KIAA1755: variants seen among roughly 807,000 people sequenced by gnomAD.
KIAA1755 encodes uncharacterized protein KIAA1755.
KIAA1755 carries 68 observed loss-of-function variants against 91.7 expected under a neutral mutation model. That is an observed-to-expected ratio of 0.74 (90% CI 0.61 to 0.91). The LOEUF (loss-of-function observed/expected upper bound fraction) is 0.91. KIAA1755 is among the 40% of genes least tolerant of loss of function. KIAA1755 has a pLI of 0.00. For synonymous variants in KIAA1755, 610 were observed against 604.6 expected (o/e 1.01, Z -0.13); for missense variants, 1,535 against 1,494.4 (o/e 1.03, Z -0.45).
At chr20:38,250,420 G>A (rs918573223) in intron 1 of KIAA1755, among the ~76,000 whole-genome samples, 1 of 151,586 alleles carries the variant, frequency 6.6e-6, no homozygotes, top group African/African-American at 2.4e-5. Flanking sequence ...GAATTTAGTA[G>A]GTGCTCATTA....
At chr20:38,216,628 G>C (rs1302817517) in intron 13 of KIAA1755, among the ~76,000 whole-genome samples, 2 of 152,086 alleles carry the variant, frequency 1.3e-5, no homozygotes, top group Non-Finnish European at 2.9e-5. Context: ...AGAGAGATTT[G>C]GCTACATGAA....
At chr20:38,236,286 C>T (rs2075959393) in intron 4 of KIAA1755, among the ~76,000 whole-genome samples, 2 of 151,986 alleles carry the variant, frequency 1.3e-5, no homozygotes, top group Non-Finnish European at 2.9e-5. Context: ...GTGAGACCTC[C>T]ACGCAGAGAC....
At position 38,213,694 on chromosome 20, in the gene KIAA1755, A is replaced by G. The variant is rs760311404; in HGVS notation, c.2951T>C (p.Leu984Pro). Residue 984 changes from leucine to proline, a missense_variant, in exon 14 of 14, where the codon CTG (leucine) becomes CCG (proline). Leu to Pro is a moderately conservative substitution (Grantham distance 98). Transcript: ENST00000279024. Reference sequence around the variant, plus strand: ...AGGACTGACCCTTGAGGTCTTGTCCAGCCTGAGCTGGGCCATCAGGTCCTG... The same window carrying G: ...AGGACTGACCCTTGAGGTCTTGTCCGGCCTGAGCTGGGCCATCAGGTCCTG... ...DCQDLMAQLR[L>P]DKTSRVSPGD... The G allele has an allele frequency of 6.5e-7, 1 of 1,547,238 alleles. No individual in the cohort carries two copies. The highest frequency in any genetic ancestry group is 1.2e-5 in the South Asian group (1 of 82,122).
At chr20:38,242,554 G>C (rs1438393198) in intron 2 of KIAA1755, among the ~76,000 whole-genome samples, 4 of 152,142 alleles carry the variant, frequency 2.6e-5, no homozygotes, top group Admixed American at 1.3e-4. Context: ...AGCTTATTTA[G>C]ACTAGCCTAT....
In KIAA1755 at chr20:38,246,361, G is replaced by A. The variant is rs995938396; in HGVS notation, c.4-235C>T. Among the ~76,000 whole-genome samples the A allele has an allele frequency of 3.9e-5, 6 of 151,956 alleles. No homozygotes were observed. In the East Asian group the frequency reaches 1.2e-3, roughly 29 times the overall value. The stretch of plus-strand genomic sequence containing the variant: ...TTGCACTGGCTGTTCCCTCTGCCTA[G>A]AATGCTCTTCCTCAAGACAGCCTCA... On this transcript the variant is annotated intron_variant, in intron 1 of 13. Coordinates refer to ENST00000279024, the MANE Select transcript of KIAA1755 (RefSeq NM_001029864.2).
chr20:38,224,372 G>A (rs966947038), intron 8 of KIAA1755, among the ~76,000 whole-genome samples: 6 of 152,160 alleles, frequency 3.9e-5, no homozygotes, highest in African/African-American at 9.7e-5. Flanking sequence ...GGGGACAAGC[G>A]GAAAAGGAGA....
intron 4 of KIAA1755, 109 bp from the exon 5 acceptor site, chr20:38,231,434 A>T: frequency 8.2e-7 from 1 of 1,221,010 alleles, no homozygotes; most frequent in Non-Finnish European, 1.1e-6. Flanking sequence ...TGCCTGGAAC[A>T]CCCTTTCTCT....
At chr20:38,226,477 A>T (rs375295686) in intron 7 of KIAA1755, among the ~76,000 whole-genome samples, 9 of 152,312 alleles carry the variant, frequency 5.9e-5, no homozygotes, top group African/African-American at 2.2e-4. Flanking sequence ...CAGAACCTGC[A>T]CATTAATGTA....
chr20:38,249,529 C>T (rs556880812), intron 1 of KIAA1755, among the ~76,000 whole-genome samples: 184 of 152,326 alleles, frequency 1.2e-3, no homozygotes, highest in African/African-American at 4.0e-3. Context: ...CTCCCTCCCA[C>T]CCGTAGCCCA....
Position 38,241,600 on chromosome 20 carries a change from A to T in KIAA1755, c.531T>A (p.Pro177=). 1 of 1,614,250 alleles carries T rather than the reference A, an allele frequency of 6.2e-7. No individual in the cohort carries two copies. The highest frequency in any genetic ancestry group is 8.5e-7 in the Non-Finnish European group (1 of 1,180,048). The change falls in exon 3 of 14, where the codon CCT becomes CCA. Residue 177 remains proline (P), a synonymous_variant. Transcript: ENST00000279024. ...ACTCTGGGCTGGTTATCTTGGTCCA[A>T]GGCACAGGGGCAATCCCATTTTCTG... ...VASENGIAPV[P]WTKITSPEFV...
At chr20:38,231,408 G>T in intron 4 of KIAA1755, 83 bp from the exon 5 acceptor site, 2 of 1,414,702 alleles carry the variant, frequency 1.4e-6, no homozygotes, top group Non-Finnish European at 9.3e-7. Flanking sequence ...CAGACCTTTG[G>T]CCGTAACGGT....
rs2075620031 is a variant in KIAA1755 at position 38,219,649 on chromosome 20, A to G, written c.2537T>C (p.Leu846Pro). Residue 846 changes from leucine to proline, a missense_variant, in exon 11 of 14, where the codon CTG becomes CCG. By Grantham distance (98) the Leu-to-Pro change is moderately conservative (BLOSUM62 -3). Coordinates refer to ENST00000279024, the MANE Select transcript of KIAA1755 (RefSeq NM_001029864.2). ...KLELRVRLGR[L>P]EAAIHQVSDW... Reference sequence around the variant, plus strand: ...TTTCACCTGGTGAATGGCAGCTTCCAGGCGGCCCAGGCGGACACGGAGCTC... The same window carrying G: ...TTTCACCTGGTGAATGGCAGCTTCCGGGCGGCCCAGGCGGACACGGAGCTC... The G allele has an allele frequency of 3.1e-6, 5 of 1,613,914 alleles. No individual in the cohort carries two copies. The highest frequency in any genetic ancestry group is 3.4e-6 in the Non-Finnish European group (4 of 1,180,014).
In KIAA1755 at chr20:38,238,673, CCCA is replaced by C. The variant is rs767169157; in HGVS notation, c.1747+852_1747+854del. On this transcript the variant is annotated intron_variant, in intron 4 of 13. Coordinates refer to ENST00000279024, the MANE Select transcript of KIAA1755 (RefSeq NM_001029864.2). ...TGTTGTGATAACCTGTTGGCTTTTC[CCCA>C]CCACTAGAATATAGGTTTCCTGATA... Among the ~76,000 whole-genome samples the C allele has an allele frequency of 6.6e-5, 10 of 152,298 alleles. No homozygotes were observed. In the South Asian group the frequency reaches 2.1e-3, roughly 32 times the overall value.
rs1384908303 is a variant in KIAA1755, at chr20:38,210,943, C to T, written c.*2099G>A. 6.6e-6 allele frequency: 1 copy of T among 152,290 alleles called. No individual in the cohort carries two copies. The highest frequency in any genetic ancestry group is 1.5e-5 in the Non-Finnish European group (1 of 68,106). 9.4% of individuals were successfully genotyped at this position (152,290 alleles called of 1,614,324 possible). ...CAGGGAGGGGAATGCAAGAATCAAACCTGGCTTTGGGTGGAGGACTCAGGC... is the reference window on the plus strand; with the variant it reads ...CAGGGAGGGGAATGCAAGAATCAAATCTGGCTTTGGGTGGAGGACTCAGGC... On this transcript the variant is annotated 3_prime_UTR_variant, in exon 14 of 14. Coordinates refer to ENST00000279024, the MANE Select transcript of KIAA1755 (RefSeq NM_001029864.2).
chr20:38,258,663 A>C (rs2076381323), intron 1 of KIAA1755, among the ~76,000 whole-genome samples: 1 of 152,172 alleles, frequency 6.6e-6, no homozygotes, highest in Non-Finnish European at 1.5e-5. Context: ...GTATTCCTCC[A>C]AGCAGGAACA....
At chr20:38,252,881 A>G (rs766929025) in intron 1 of KIAA1755, among the ~76,000 whole-genome samples, 2 of 152,188 alleles carry the variant, frequency 1.3e-5, no homozygotes, top group Non-Finnish European at 2.9e-5. Context: ...GAGGAAGCAC[A>G]CTGTGGTGGG....
intron 4 of KIAA1755, 141 bp downstream of exon 4, chr20:38,239,387 G>T: frequency 1.5e-6 from 1 of 672,246 alleles, no homozygotes. Context: ...GGAAAGATGA[G>T]GAAACTGAGG....
chr20:38,222,898 T>C (rs529962617), intron 9 of KIAA1755: 44 of 476,722 alleles, frequency 9.2e-5, no homozygotes, highest in Non-Finnish European at 1.6e-4. Context: ...GTTGAACGGA[T>C]CTCAAAGTGC....
At position 38,250,221 on chromosome 20, in the gene KIAA1755, G is replaced by A. The variant is rs137991163; in HGVS notation, c.4-4095C>T. Among the ~76,000 whole-genome samples, 287 of 152,258 alleles carry A rather than the reference G, an allele frequency of 1.9e-3. 1 individual carries two copies. The highest frequency in any genetic ancestry group is 6.7e-3 in the African/African-American group (277 of 41,550). Reference sequence around the variant, plus strand: ...TCATCACAGTGGTTATGCAAGTGCAGCCAGACTGCCCGGGTTCAAACTCTG... The same window carrying A: ...TCATCACAGTGGTTATGCAAGTGCAACCAGACTGCCCGGGTTCAAACTCTG... On this transcript the variant is annotated intron_variant, in intron 1 of 13. Coordinates refer to ENST00000279024, the MANE Select transcript of KIAA1755 (RefSeq NM_001029864.2).
Sources: gnomAD v4.1 joint callset for allele counts (sites outside exome capture counted in the v4.1 genomes callset) on GRCh38, gnomAD v4.1.1 for gene constraint, MANE v1.5 for transcripts, NCBI Gene and HGNC (gene_info 2026-07-23, HGNC 2026-07-21) for gene names.